Variants in NFASC observed in about 807,000 individuals in gnomAD.
The protein encoded by NFASC is neurofascin homolog.
A neutral mutation model predicts 147.5 loss-of-function variants in NFASC; 43 were observed. That is an observed-to-expected ratio of 0.29 (90% confidence interval 0.23 to 0.38). NFASC has a LOEUF of 0.38. Ranked by LOEUF, NFASC falls within the 10% of genes least tolerant of loss-of-function variation. The pLI, the probability that NFASC is intolerant of heterozygous loss-of-function variation, is 1.00. For missense variants in NFASC, 1,320 were observed against 1,689.0 expected (o/e 0.78, Z 3.83); for synonymous variants, 622 against 665.5 (o/e 0.93, Z 1.01).
chr1:205,009,938 C>A, intron 28 of NFASC: 1 of 542,176 alleles, frequency 1.8e-6, no homozygotes, highest in Non-Finnish European at 3.3e-6. Context: ...GGAACCCTGG[C>A]TCCTATTAAG....
intron 29 of NFASC, among the ~76,000 whole-genome samples, chr1:205,014,426 G>A (rs1004897093): frequency 6.6e-5 from 10 of 152,216 alleles, no homozygotes; most frequent in Non-Finnish European, 1.3e-4. Flanking sequence ...AGTTTCTAGA[G>A]AGGATAGGCC....
At chr1:204,973,505 T>A in intron 12 of NFASC, 86 bp downstream of exon 12, 1 of 1,511,860 alleles carries the variant, frequency 6.6e-7, no homozygotes, top group Non-Finnish European at 9.0e-7. Flanking sequence ...TGGGGCACAC[T>A]TTCTTCTCCG....
intron 1 of NFASC, among the ~76,000 whole-genome samples, chr1:204,879,316 G>A (rs538638979): frequency 3.0e-4 from 44 of 146,098 alleles, no homozygotes; most frequent in African/African-American, 1.0e-3. Flanking sequence ...AAATGTGTAC[G>A]TTGTGTCTCA....
At chr1:204,988,114 C>G (rs1242687660) in intron 22 of NFASC, among the ~76,000 whole-genome samples, 1 of 152,208 alleles carries the variant, frequency 6.6e-6, no homozygotes, top group Non-Finnish European at 1.5e-5. Flanking sequence ...GGTAACGTAC[C>G]TCGTTAGGAA....
chr1:204,973,635 A>G (rs1573979818), intron 12 of NFASC, among the ~76,000 whole-genome samples: 2 of 152,342 alleles, frequency 1.3e-5, no homozygotes. Context: ...GATCATCTGG[A>G]TCAACCTCCT....
At chr1:204,895,852 T>C (rs1046162150) in intron 1 of NFASC, among the ~76,000 whole-genome samples, 1 of 152,158 alleles carries the variant, frequency 6.6e-6, no homozygotes, top group Non-Finnish European at 1.5e-5. Context: ...ACCCCCTTTA[T>C]GTAAGTGACT....
intron 1 of NFASC, among the ~76,000 whole-genome samples, chr1:204,850,331 T>G (rs911350864): frequency 6.6e-6 from 1 of 152,226 alleles, no homozygotes; most frequent in African/African-American, 2.4e-5. Context: ...TTCCTTAATA[T>G]GGAACAGACT....
chr1:204,943,714 C>T (rs1328246949), intron 2 of NFASC, among the ~76,000 whole-genome samples: 5 of 152,184 alleles, frequency 3.3e-5, no homozygotes, highest in East Asian at 1.9e-4. Context: ...GTGCCTCTAC[C>T]GCAAATATGC....
intron 1 of NFASC, among the ~76,000 whole-genome samples, chr1:204,912,949 G>A (rs1467217417): frequency 1.3e-5 from 2 of 152,142 alleles, no homozygotes; most frequent in Non-Finnish European, 2.9e-5. Context: ...GGTCACTTGA[G>A]CCCTGGAGAC....
chr1:204,967,945 G>GGTGGTCGCCGTATCATTAAAAAAGTTC, intron 8 of NFASC: 2 of 292,306 alleles, frequency 6.8e-6, no homozygotes. Context: ...AGTAGATCTC[G>GGTGGTCGCCGTATCATTAAAAAAGTTC]CACTGCTCAG....
intron 20 of NFASC, among the ~76,000 whole-genome samples, 200 bp downstream of exon 20, chr1:204,980,640 G>A (rs894253869): frequency 1.3e-5 from 2 of 152,182 alleles, no homozygotes; most frequent in African/African-American, 2.4e-5. Flanking sequence ...ATGTCTAAGT[G>A]TAAGATTTCA....
intron 1 of NFASC, among the ~76,000 whole-genome samples, chr1:204,909,426 T>C (rs2086812669): frequency 6.6e-6 from 1 of 152,254 alleles, no homozygotes; most frequent in African/African-American, 2.4e-5. Flanking sequence ...TTTTATGTCT[T>C]GTGCCCATGT....
intron 21 of NFASC, among the ~76,000 whole-genome samples, chr1:204,985,258 C>T (rs895037491): frequency 6.6e-6 from 1 of 152,174 alleles, no homozygotes; most frequent in African/African-American, 2.4e-5. Context: ...CCCTCCAACA[C>T]CACCATCTTC....
At chr1:205,001,023 C>T (rs2095971079) in intron 25 of NFASC, 147 bp from the exon 26 acceptor site, 1 of 663,924 alleles carries the variant, frequency 1.5e-6, no homozygotes. Flanking sequence ...CTGACTCTCC[C>T]CTTTCCTAGA....
chr1:204,890,976 C>T (rs1432424417), intron 1 of NFASC, among the ~76,000 whole-genome samples: 1 of 152,174 alleles, frequency 6.6e-6, no homozygotes, highest in African/African-American at 2.4e-5. Context: ...GGCCTTCTCC[C>T]AAGGATAGTG....
At chr1:204,842,462 C>T (rs1462385301) in intron 1 of NFASC, among the ~76,000 whole-genome samples, 1 of 150,356 alleles carries the variant, frequency 6.7e-6, no homozygotes, top group Admixed American at 6.6e-5. Flanking sequence ...TTTGAGTGTC[C>T]CTAGAGCTTT....
intron 8 of NFASC, among the ~76,000 whole-genome samples, chr1:204,967,632 G>A (rs1418693601): frequency 6.6e-6 from 1 of 151,590 alleles, no homozygotes; most frequent in Non-Finnish European, 1.5e-5. Context: ...CGAGTCATTA[G>A]TGAGGAGGCA....
intron 1 of NFASC, among the ~76,000 whole-genome samples, chr1:204,886,709 C>A (rs2081374440): frequency 6.6e-6 from 1 of 152,288 alleles, no homozygotes; most frequent in Admixed American, 6.5e-5. Context: ...AACTGAGGCC[C>A]AGGGAGACGC....
At chr1:204,838,755 CT>C (rs1363425431) in intron 1 of NFASC, among the ~76,000 whole-genome samples, 3 of 152,194 alleles carry the variant, frequency 2.0e-5, no homozygotes. Flanking sequence ...CTCTATGTAT[CT>C]TTACAGTCAT....
Sources: gnomAD v4.1 joint callset for allele counts (sites outside exome capture counted in the v4.1 genomes callset) on GRCh38, gnomAD v4.1.1 for gene constraint, MANE v1.5 for transcripts, NCBI Gene and HGNC (gene_info 2026-07-23, HGNC 2026-07-21) for gene names.